MCF2L2: variants seen among roughly 807,000 people sequenced by gnomAD.
MCF2L2 encodes probable guanine nucleotide exchange factor MCF2L2.
In MCF2L2, 102 loss-of-function variants were observed where a neutral mutation model predicts 150.2. That is an observed-to-expected ratio of 0.68 (90% CI 0.58 to 0.80). The LOEUF is 0.80. Ranked by LOEUF, MCF2L2 falls within the 30% of genes least tolerant of loss-of-function variation. The pLI is 0.00. For missense variants in MCF2L2, 1,256 were observed against 1,372.8 expected, an observed-to-expected ratio of 0.91 and a Z score of 1.34; for synonymous variants, 465 against 491.3, an observed-to-expected ratio of 0.95 and a Z score of 0.71.
intron 22 of MCF2L2, 86 bp downstream of exon 22, chr3:183,215,883 C>G (rs1418495153): frequency 1.4e-6 from 2 of 1,473,852 alleles, no homozygotes; most frequent in Non-Finnish European, 1.8e-6. Flanking sequence ...TAGACGATCT[C>G]TCTGACTTTG....
At chr3:183,307,715 C>T (rs1355057157) in intron 10 of MCF2L2, among the ~76,000 whole-genome samples, 1 of 152,244 alleles carries the variant, frequency 6.6e-6, no homozygotes, top group East Asian at 1.9e-4. Context: ...AGATCCATCG[C>T]CACTATTCAA....
intron 3 of MCF2L2, among the ~76,000 whole-genome samples, chr3:183,358,081 A>G (rs183374017): frequency 6.6e-6 from 1 of 152,264 alleles, no homozygotes; most frequent in Admixed American, 6.5e-5. Flanking sequence ...TGAGGTCAGG[A>G]GTTCAAGATC....
intron 3 of MCF2L2, among the ~76,000 whole-genome samples, chr3:183,348,367 A>G (rs1730980795): frequency 6.9e-6 from 1 of 144,750 alleles, no homozygotes; most frequent in South Asian, 2.3e-4. Context: ...ACACATGGAC[A>G]CAGGGAGGGG....
chr3:183,270,526 T>G lies in MCF2L2; in HGVS notation c.1862+6346A>C, dbSNP rs1489770217. The G allele has an allele frequency of 1.2e-6, 2 of 1,614,160 alleles. No individual in the cohort carries two copies. The highest frequency in any genetic ancestry group is 2.2e-5 in the South Asian group (2 of 91,080). ...AGCAAATACTACGTGTCCTATGAAA[T>G]GTACCAGTGGCCAGCTTACCCTGAC... On this transcript the variant is annotated intron_variant, in intron 15 of 29. Coordinates refer to ENST00000328913, the MANE Select transcript of MCF2L2 (RefSeq NM_015078.4). This position sits in a 1 kb window ranked among gnomAD's most constrained non-coding sequence, Gnocchi z 4.5.
At chr3:183,232,731 G>A (rs1560357316) in intron 15 of MCF2L2, among the ~76,000 whole-genome samples, 1 of 152,098 alleles carries the variant, frequency 6.6e-6, no homozygotes, top group Non-Finnish European at 1.5e-5. Context: ...TATGAGACTC[G>A]TGGAAAAAAT....
At chr3:183,310,765 T>G in intron 9 of MCF2L2, 150 bp downstream of exon 9, 1 of 603,202 alleles carries the variant, frequency 1.7e-6, no homozygotes, top group Non-Finnish European at 3.0e-6. Flanking sequence ...AGAAGGGGGT[T>G]GGAGGGGGTG....
At chr3:183,308,515 G>A (rs556453917) in intron 10 of MCF2L2, among the ~76,000 whole-genome samples, 1 of 152,202 alleles carries the variant, frequency 6.6e-6, no homozygotes, top group African/African-American at 2.4e-5. Flanking sequence ...TCTGTCAAAT[G>A]GTCACTGGTA....
rs1474303701 is a variant in MCF2L2, at chr3:183,179,236, G to A, written c.*144C>T. On this transcript the variant is annotated 3_prime_UTR_variant, in exon 30 of 30. Coordinates refer to ENST00000328913, the MANE Select transcript of MCF2L2 (RefSeq NM_015078.4). This position sits in a 1 kb window ranked among gnomAD's most constrained non-coding sequence, Gnocchi z 4.2. ...CCCAGGACACCCCTCGGGCTCCTCG[G>A]AGGAGGCCCTGGTTGTCCCCTTTCT... 4.3e-6 allele frequency: 5 copies of A among 1,167,354 alleles called. No individual in the cohort carries two copies. The African/African-American group carries it at 6.5e-5, about 15-fold the overall frequency. 72.3% of individuals were successfully genotyped at this position (1,167,354 alleles called of 1,614,324 possible).
intron 26 of MCF2L2, among the ~76,000 whole-genome samples, chr3:183,194,016 G>A (rs180977679): frequency 6.6e-6 from 1 of 152,236 alleles, no homozygotes; most frequent in East Asian, 1.9e-4. Flanking sequence ...ATGCCCTAGA[G>A]GAATTCATGG....
intron 26 of MCF2L2, 71 bp from the exon 27 acceptor site, chr3:183,193,167 G>A (rs1721959332): frequency 1.6e-6 from 2 of 1,279,722 alleles, no homozygotes; most frequent in Admixed American, 1.7e-5. Context: ...CCACCAGTTG[G>A]AGTAACGCTG....
intron 1 of MCF2L2, among the ~76,000 whole-genome samples, chr3:183,400,839 T>C (rs1379644900): frequency 6.6e-6 from 1 of 151,906 alleles, no homozygotes; most frequent in East Asian, 1.9e-4. Context: ...GGGATAAACT[T>C]TGTAAAGGAT....
intron 15 of MCF2L2, chr3:183,272,222 C>T: frequency 3.0e-6 from 3 of 999,818 alleles, no homozygotes; most frequent in Non-Finnish European, 3.6e-6. Flanking sequence ...TTTTACAAAG[C>T]AGGATAAAAA....
At chr3:183,312,731 A>G (rs1164686062) in intron 7 of MCF2L2, among the ~76,000 whole-genome samples, 2 of 152,190 alleles carry the variant, frequency 1.3e-5, no homozygotes, top group African/African-American at 4.8e-5. Flanking sequence ...CCCCACTCTG[A>G]TCACACAGAA....
At chr3:183,416,555 A>G (rs1258170212) in intron 1 of MCF2L2, among the ~76,000 whole-genome samples, 7 of 152,294 alleles carry the variant, frequency 4.6e-5, no homozygotes, top group South Asian at 4.1e-4. Flanking sequence ...TAAGTCAAAA[A>G]TGCACTTAAT....
intron 1 of MCF2L2, among the ~76,000 whole-genome samples, chr3:183,412,265 TTCTC>T (rs1449746552): frequency 6.6e-6 from 1 of 151,478 alleles, no homozygotes; most frequent in Non-Finnish European, 1.5e-5. Context: ...TTGCAGGCTC[TTCTC>T]TAATTGTTTG....
chr3:183,282,417 G>A (rs1183041789), intron 14 of MCF2L2, among the ~76,000 whole-genome samples: 4 of 152,086 alleles, frequency 2.6e-5, no homozygotes, highest in East Asian at 3.9e-4. Flanking sequence ...TGACCTCATC[G>A]TCTGGACTAA....
At chr3:183,302,127 C>T (rs1728881379) in intron 10 of MCF2L2, among the ~76,000 whole-genome samples, 1 of 152,180 alleles carries the variant, frequency 6.6e-6, no homozygotes, top group East Asian at 1.9e-4. Context: ...TCACAACCCA[C>T]AGACGGGGGC....
intron 5 of MCF2L2, among the ~76,000 whole-genome samples, chr3:183,326,469 G>T (rs1730032177): frequency 8.6e-6 from 1 of 116,008 alleles, no homozygotes. Context: ...TCCAGCCTAG[G>T]CAATGAGAGT....
chr3:183,367,829 A>C (rs1350853945), intron 3 of MCF2L2, among the ~76,000 whole-genome samples: 1 of 152,358 alleles, frequency 6.6e-6, no homozygotes, highest in East Asian at 1.9e-4. Flanking sequence ...GAGAGAAAGC[A>C]TCATAATACG....
Sources: gnomAD v4.1 joint callset for allele counts (sites outside exome capture counted in the v4.1 genomes callset) on GRCh38, gnomAD v4.1.1 for gene constraint, Gnocchi (gnomAD v3.1) non-coding constraint, MANE v1.5 for transcripts, NCBI Gene and HGNC (gene_info 2026-07-23, HGNC 2026-07-21) for gene names.